Variants in KIF15 observed in about 807,000 individuals in gnomAD.
KIF15 encodes the protein kinesin-like protein KIF15.
In KIF15, 140 loss-of-function variants were observed where a neutral mutation model predicts 190.6. The observed-to-expected ratio is 0.73, with a 90% confidence interval of 0.64 to 0.84. The LOEUF is 0.84. Among genes scored for constraint, KIF15 ranks in the 40% least tolerant of loss-of-function variants. The probability of loss-of-function intolerance (pLI) is 0.00; values close to 1 mark genes in which losing one functional copy is unlikely to be tolerated. For synonymous variants in KIF15, 528 were observed against 551.3 expected, an observed-to-expected ratio of 0.96 and a Z score of 0.59; for missense variants, 1,372 against 1,584.4, an observed-to-expected ratio of 0.87 and a Z score of 2.28.
rs56009369 is a variant in KIF15 at position 44,789,642 on chromosome 3, TTATATATATA to T, written c.639+3109_639+3118del. 7.0e-3 allele frequency among the ~76,000 whole-genome samples: 793 copies of T among 113,472 alleles called. 13 individuals carry two copies. The highest frequency in any genetic ancestry group is 0.026 in the African/African-American group (701 of 26,864). The allele number at this position is 113,472 out of a possible 152,430, so 74.4% of individuals were successfully genotyped here. A position where few individuals can be genotyped will look rare whatever the true frequency, so the allele number is the denominator to read the frequency against. On this transcript the variant is annotated intron_variant, in intron 7 of 34. Coordinates refer to ENST00000326047, the MANE Select transcript of KIF15 (RefSeq NM_020242.3). Reference sequence around the variant, plus strand: ...GTTTCATTGCGATTTTTGTCTAATTTTATATATATATATATATATATATATATATATATAT... The same window carrying T: ...GTTTCATTGCGATTTTTGTCTAATTTTATATATATATATATATATATATAT...
At chr3:44,858,031 GT>G (rs1219996122), downstream of KIF15, among the ~76,000 whole-genome samples, 23 of 152,238 alleles carry the variant, frequency 1.5e-4, no homozygotes, top group African/African-American at 5.3e-4. Flanking sequence ...GAAGTAATGA[GT>G]GCTGTCCCTG....
rs528411669 is a variant in KIF15 at position 44,821,922 on chromosome 3, G to T, written c.2550-4117G>T. The stretch of plus-strand genomic sequence containing the variant: ...GGATCACTCGCGGTTAGGAGCTGGA[G>T]ACCAGCCCGGCCAACACAGCGAAAC... On this transcript the variant is annotated intron_variant, in intron 20 of 34. Coordinates refer to ENST00000326047, the MANE Select transcript of KIF15 (RefSeq NM_020242.3). Among the ~76,000 whole-genome samples, 6 of 152,360 alleles carry T rather than the reference G, an allele frequency of 3.9e-5. No homozygotes were observed. In the East Asian group the frequency reaches 1.2e-3, roughly 29 times the overall value.
At chr3:44,790,231 G>A (rs1171703290) in intron 7 of KIF15, among the ~76,000 whole-genome samples, 7 of 151,956 alleles carry the variant, frequency 4.6e-5, no homozygotes, top group Non-Finnish European at 1.0e-4. Context: ...AGGCTAGAGT[G>A]TAGTGGTGCG....
chr3:44,846,483 A>T (rs1299282746), intron 30 of KIF15, among the ~76,000 whole-genome samples: 2 of 151,996 alleles, frequency 1.3e-5, no homozygotes, highest in Admixed American at 1.3e-4. Flanking sequence ...CTTTTAAAAG[A>T]TGTTTTTCAC....
intron 26 of KIF15, among the ~76,000 whole-genome samples, chr3:44,836,220 G>C (rs924065000): frequency 5.9e-5 from 9 of 152,134 alleles, no homozygotes; most frequent in Non-Finnish European, 1.3e-4. Context: ...GCCAGGTGTG[G>C]TGGTGTACAC....
chr3:44,790,695 C>CTTTTTTTTTTTTTTT (rs56414094), intron 7 of KIF15, among the ~76,000 whole-genome samples: 1 of 97,968 alleles, frequency 1.0e-5, no homozygotes, highest in Non-Finnish European at 1.9e-5. Context: ...TTTTCTGTTT[C>CTTTTTTTTTTTTTTT]TTTTTTTTTT....
chr3:44,838,256 G>A lies in KIF15; in HGVS notation c.3172-19G>A. On this transcript the variant is annotated intron_variant, in intron 26 of 34. Transcript: ENST00000326047. Reference sequence around the variant, plus strand: ...TGGAATACCATAATTAAGAAACTGTGATGATTGTCTCCTAACAGAGGGATA... The same window carrying A: ...TGGAATACCATAATTAAGAAACTGTAATGATTGTCTCCTAACAGAGGGATA... 1 of 1,577,970 alleles carries A rather than the reference G, an allele frequency of 6.3e-7. No homozygotes were observed. The highest frequency in any genetic ancestry group is 8.6e-7 in the Non-Finnish European group (1 of 1,164,316).
rs371067828 is a variant in KIF15 at position 44,776,990 on chromosome 3, AT to A, written c.247-1104del. Reference sequence around the variant, plus strand: ...ATGGCTACTATACTGAACATCACAGATTTTTTTTTTTTTTTTTTTTTGTAAG... The same window carrying A: ...ATGGCTACTATACTGAACATCACAGATTTTTTTTTTTTTTTTTTTTGTAAG... On this transcript the variant is annotated intron_variant, in intron 3 of 34. Coordinates refer to ENST00000326047, the MANE Select transcript of KIF15 (RefSeq NM_020242.3). Among the ~76,000 whole-genome samples the A allele has an allele frequency of 5.9e-3, 688 of 116,816 alleles. 1 individual carries two copies. Among genetic ancestry groups the A allele is most frequent in the Non-Finnish European group, 7.8e-3 (465 of 59,338 alleles). 76.6% of individuals were successfully genotyped at this position (116,816 alleles called of 152,430 possible). A position where few individuals can be genotyped will look rare whatever the true frequency, so the allele number is the denominator to read the frequency against.
intron 16 of KIF15, among the ~76,000 whole-genome samples, chr3:44,809,470 C>A (rs1039488749): frequency 6.6e-6 from 1 of 151,714 alleles, no homozygotes; most frequent in Non-Finnish European, 1.5e-5. Context: ...GACTTTTTTG[C>A]CTTTAATTTT....
intron 6 of KIF15, chr3:44,865,275 G>T (rs1699309177): frequency 2.0e-6 from 3 of 1,532,906 alleles, no homozygotes; most frequent in African/African-American, 1.4e-5. Context: ...ATCCAGTTGT[G>T]CAGCCTTCTG....
At chr3:44,786,312 A>C (rs1179032107) in intron 6 of KIF15, 83 bp from the exon 7 acceptor site, 1 of 1,121,630 alleles carries the variant, frequency 8.9e-7, no homozygotes, top group Non-Finnish European at 1.3e-6. Flanking sequence ...ACATCTTGTG[A>C]AGCGAGTGCA....
At chr3:44,775,484 T>C (rs1384053340) in intron 3 of KIF15, 47 bp downstream of exon 3, 18 of 1,396,922 alleles carry the variant, frequency 1.3e-5, no homozygotes, top group Non-Finnish European at 1.6e-5. Flanking sequence ...TGAAAAGGAG[T>C]CTCACTCTGT....
intron 7 of KIF15, among the ~76,000 whole-genome samples, chr3:44,790,327 G>T (rs904373889): frequency 1.3e-5 from 2 of 152,032 alleles, no homozygotes; most frequent in African/African-American, 4.8e-5. Flanking sequence ...ACAGGCTTGT[G>T]CCACCACACC....
chr3:44,794,103 A>G (rs1706853419), intron 7 of KIF15, 114 bp from the exon 8 acceptor site: 1 of 797,770 alleles, frequency 1.3e-6, no homozygotes, highest in African/African-American at 1.7e-5. Context: ...CTGGTCTTGA[A>G]TTCCTATCCA....
intron 34 of KIF15, 98 bp downstream of exon 34, chr3:44,852,437 C>T: frequency 8.4e-7 from 1 of 1,191,684 alleles, no homozygotes; most frequent in Non-Finnish European, 1.2e-6. Flanking sequence ...CAGTTAACTG[C>T]TTACTTCAGG....
chr3:44,774,275 T>C (rs1161662439), intron 1 of KIF15, 120 bp from the exon 2 acceptor site: 5 of 775,612 alleles, frequency 6.4e-6, no homozygotes, highest in Non-Finnish European at 1.1e-5. Flanking sequence ...GAGCACAGCA[T>C]TGTTAAAGTC....
chr3:44,800,209 T>C, intron 10 of KIF15, 105 bp from the exon 11 acceptor site: 1 of 1,047,818 alleles, frequency 9.5e-7, no homozygotes, highest in East Asian at 2.6e-5. Context: ...GTCTTGAAGT[T>C]TTGTTTGATG....
At chr3:44,845,458 TTCAA>T (rs1259539632) in intron 30 of KIF15, among the ~76,000 whole-genome samples, 2 of 152,100 alleles carry the variant, frequency 1.3e-5, no homozygotes, top group Non-Finnish European at 2.9e-5. Context: ...ACAACCAATC[TTCAA>T]TCAATTTTGA....
chr3:44,849,580 TTC>T (rs1328413353), intron 32 of KIF15, among the ~76,000 whole-genome samples: 2 of 152,202 alleles, frequency 1.3e-5, no homozygotes, highest in Non-Finnish European at 2.9e-5. Flanking sequence ...ATGAACAAAT[TTC>T]CAAGTCTAAA....
Sources: allele counts gnomAD v4.1 joint callset (sites outside exome capture counted in the v4.1 genomes callset), GRCh38; gene constraint gnomAD v4.1.1; transcripts MANE v1.5; gene names NCBI Gene and HGNC (gene_info 2026-07-23, HGNC 2026-07-21).